The following ANKRD28 variants were observed in gnomAD, a reference collection of about 807,000 sequenced individuals.
ANKRD28 encodes the protein ankyrin repeat domain 28, also known as serine/threonine-protein phosphatase 6 regulatory ankyrin repeat subunit A.
ANKRD28 carries 44 observed loss-of-function variants against 126.5 expected under a neutral mutation model. The ratio of observed to expected loss-of-function variants is 0.35; its 90% confidence interval spans 0.27 to 0.45. The LOEUF is 0.45. Ranked by LOEUF, ANKRD28 falls within the 20% of genes least tolerant of loss-of-function variation. The pLI is 1.00. For missense variants in ANKRD28, 1,110 were observed against 1,316.6 expected, an observed-to-expected ratio of 0.84 and a Z score of 2.43; for synonymous variants, 442 against 468.5, an observed-to-expected ratio of 0.94 and a Z score of 0.73.
chr3:15,772,680 ATTAT>A (rs1243062863), intron 2 of ANKRD28, among the ~76,000 whole-genome samples: 1 of 152,172 alleles, frequency 6.6e-6, no homozygotes, highest in African/African-American at 2.4e-5. Context: ...TTTTAAAAAA[ATTAT>A]TTATTTATTC....
At chr3:15,806,417 T>TA (rs1349259015) in intron 1 of ANKRD28, among the ~76,000 whole-genome samples, 2 of 152,232 alleles carry the variant, frequency 1.3e-5, no homozygotes, top group African/African-American at 4.8e-5. Context: ...TAAGACTACT[T>TA]ATAAAACTTT....
At chr3:15,724,560 A>G (rs1350540767) in intron 6 of ANKRD28, 36 bp from the exon 7 acceptor site, 1 of 1,522,858 alleles carries the variant, frequency 6.6e-7, no homozygotes. Flanking sequence ...AATAGAGATG[A>G]GCATATGAAA....
At chr3:15,686,534 C>T in intron 18 of ANKRD28, 1 of 548,972 alleles carries the variant, frequency 1.8e-6, no homozygotes, top group Non-Finnish European at 3.2e-6. Context: ...AGACCGCCTA[C>T]CCAGCACCCA....
At chr3:15,844,406 A>G (rs1165489906) in intron 1 of ANKRD28, among the ~76,000 whole-genome samples, 2 of 152,188 alleles carry the variant, frequency 1.3e-5, no homozygotes, top group Admixed American at 1.3e-4. Context: ...CACTGTAGGT[A>G]AAGAAGTGGG....
chr3:15,786,105 A>T (rs568874693), intron 2 of ANKRD28, among the ~76,000 whole-genome samples: 3 of 152,226 alleles, frequency 2.0e-5, no homozygotes, highest in African/African-American at 7.2e-5. Context: ...TGCTGGATAC[A>T]TGTCATTATA....
chr3:15,824,538 T>C (rs982471199), intron 1 of ANKRD28, among the ~76,000 whole-genome samples: 3 of 152,200 alleles, frequency 2.0e-5, no homozygotes, highest in Non-Finnish European at 4.4e-5. Context: ...ACAAAATCTG[T>C]TGCTTTTCTA....
At chr3:15,745,722 A>AT (rs150299447) in intron 4 of ANKRD28, among the ~76,000 whole-genome samples, 11 of 150,700 alleles carry the variant, frequency 7.3e-5, no homozygotes, top group African/African-American at 2.4e-4. Context: ...GAATTTCAGA[A>AT]TTTTTTTTTT....
At chr3:15,701,456 C>G (rs2070606321) in intron 14 of ANKRD28, among the ~76,000 whole-genome samples, 1 of 152,052 alleles carries the variant, frequency 6.6e-6, no homozygotes, top group African/African-American at 2.4e-5. Flanking sequence ...ACCTGCCTGA[C>G]CAACATGGAG....
Position 15,754,887 on chromosome 3 carries a change from C to T in ANKRD28, c.281-3067G>A, listed in dbSNP as rs143436319. 1.7e-3 allele frequency among the ~76,000 whole-genome samples: 265 copies of T among 152,184 alleles called. 1 individual carries two copies. Among genetic ancestry groups the T allele is most frequent in the African/African-American group, 6.0e-3 (251 of 41,514 alleles). On this transcript the variant is annotated intron_variant, in intron 3 of 27. Coordinates refer to ENST00000683139, the MANE Select transcript of ANKRD28 (RefSeq NM_001349278.2). Reference sequence around the variant, plus strand: ...ATCCCAGTACTTTGGGAGACCAAGGCGGGCAAATCACCTGAGGTCAGGAGT... The same window carrying T: ...ATCCCAGTACTTTGGGAGACCAAGGTGGGCAAATCACCTGAGGTCAGGAGT...
chr3:15,692,864 C>G (rs2068990201), intron 17 of ANKRD28, among the ~76,000 whole-genome samples: 1 of 152,180 alleles, frequency 6.6e-6, no homozygotes. Flanking sequence ...AGCAACCCAG[C>G]ATCTATTGTC....
chr3:15,711,852 A>T (rs1028781037), intron 11 of ANKRD28, among the ~76,000 whole-genome samples: 1 of 129,604 alleles, frequency 7.7e-6, no homozygotes, highest in Non-Finnish European at 1.8e-5. Flanking sequence ...ACGCCCAGCT[A>T]ATTTTTTTTT....
chr3:15,712,020 G>T (rs1370472663), intron 11 of ANKRD28, 120 bp downstream of exon 11: 2 of 760,668 alleles, frequency 2.6e-6, no homozygotes, highest in Non-Finnish European at 4.4e-6. Context: ...TCTAAAAGGG[G>T]TTATTAAATT....
At chr3:15,859,723 G>T in exon 1 of ANKRD28, 1 of 156,940 alleles carries the variant, frequency 6.4e-6, no homozygotes, top group Non-Finnish European at 1.4e-5. Context: ...TGCCGCCGCC[G>T]CCTCCTCACG....
In ANKRD28 at chr3:15,676,104, C is replaced by A. The variant is rs766505812; in HGVS notation, c.2874-115G>T. 4 of 711,248 alleles carry A rather than the reference C, an allele frequency of 5.6e-6. No homozygotes were observed. The Admixed American group carries it at 8.7e-5, about 15-fold the overall frequency. 44.1% of individuals were successfully genotyped at this position (711,248 alleles called of 1,614,324 possible). A position where few individuals can be genotyped will look rare whatever the true frequency, so the allele number is the denominator to read the frequency against. On this transcript the variant is annotated intron_variant, in intron 26 of 27. Coordinates refer to ENST00000683139, the MANE Select transcript of ANKRD28 (RefSeq NM_001349278.2). ...ACTTGTGAAGACCAAGAGGTACAAA[C>A]TCGAGAAACCTAGTCCTAATAACAA...
chr3:15,718,733 A>G (rs535240315), intron 8 of ANKRD28, among the ~76,000 whole-genome samples: 27 of 152,332 alleles, frequency 1.8e-4, no homozygotes, highest in African/African-American at 6.3e-4. Context: ...TAATTTCCAT[A>G]ATACTAACAC....
At chr3:15,715,629 T>C (rs1031236610) in intron 8 of ANKRD28, among the ~76,000 whole-genome samples, 1 of 152,160 alleles carries the variant, frequency 6.6e-6, no homozygotes, top group Non-Finnish European at 1.5e-5. Flanking sequence ...GGAGTCAGAA[T>C]AACCTAAGCA....
rs114674512 is a variant in ANKRD28, at chr3:15,683,172, A to G, written c.2389+2054T>C. On this transcript the variant is annotated intron_variant, in intron 21 of 27. Coordinates refer to ENST00000683139, the MANE Select transcript of ANKRD28 (RefSeq NM_001349278.2). Reference sequence around the variant, plus strand: ...AATATCTCACTGTGTGATTTTTCCAATGGTTAATCTTCAGGGATATATTTT... The same window carrying G: ...AATATCTCACTGTGTGATTTTTCCAGTGGTTAATCTTCAGGGATATATTTT... Among the ~76,000 whole-genome samples, 884 of 152,214 alleles carry G rather than the reference A, an allele frequency of 5.8e-3. 6 individuals carry two copies. Among genetic ancestry groups the G allele is most frequent in the African/African-American group, 0.02 (843 of 41,480 alleles).
intron 8 of ANKRD28, among the ~76,000 whole-genome samples, chr3:15,715,459 C>T (rs1473732669): frequency 6.6e-6 from 1 of 152,196 alleles, no homozygotes; most frequent in Non-Finnish European, 1.5e-5. Context: ...ATAATTAGAA[C>T]ATCATAAGTA....
At chr3:15,801,705 A>T (rs1042794392), upstream of ANKRD28, among the ~76,000 whole-genome samples, 10 of 152,204 alleles carry the variant, frequency 6.6e-5, no homozygotes, top group African/African-American at 2.4e-4. The surrounding 1 kb of genome is among the most constrained non-coding windows in gnomAD (Gnocchi z 4.9). Flanking sequence ...TCTAGGCTAC[A>T]CAGGCCAGAA....
Sources: allele counts gnomAD v4.1 joint callset (sites outside exome capture counted in the v4.1 genomes callset), GRCh38; gene constraint gnomAD v4.1.1; non-coding constraint Gnocchi (gnomAD v3.1); transcripts MANE v1.5; gene names NCBI Gene and HGNC (gene_info 2026-07-23, HGNC 2026-07-21).